HIP1: variants seen among roughly 807,000 people sequenced by gnomAD.
The protein encoded by HIP1 is huntingtin-interacting protein 1.
Under a neutral mutation model 147.6 loss-of-function variants are expected in HIP1, and 65 were observed. That is an observed-to-expected ratio of 0.44 (90% confidence interval 0.36 to 0.54). HIP1 has a LOEUF of 0.54. Among genes scored for constraint, HIP1 ranks in the 20% least tolerant of loss-of-function variants. The pLI is 0.00. For missense variants in HIP1, 1,061 were observed against 1,299.6 expected, an observed-to-expected ratio of 0.82 and a Z score of 2.82; for synonymous variants, 479 against 504.0, an observed-to-expected ratio of 0.95 and a Z score of 0.67.
At chr7:75,644,868 A>AC in intron 1 of HIP1, among the ~76,000 whole-genome samples, 1 of 152,208 alleles carries the variant, frequency 6.6e-6, no homozygotes, top group Admixed American at 6.5e-5. Context: ...TGGCTCTGGC[A>AC]CAGAGCATTC....
intron 1 of HIP1, among the ~76,000 whole-genome samples, chr7:75,618,882 G>C (rs1398341308): frequency 6.6e-6 from 1 of 151,666 alleles, no homozygotes; most frequent in African/African-American, 2.4e-5. Context: ...TTTTTGTAGA[G>C]ATGGGGTTTC....
intron 1 of HIP1, among the ~76,000 whole-genome samples, chr7:75,666,723 A>G (rs966498794): frequency 1.3e-5 from 2 of 152,252 alleles, no homozygotes; most frequent in Non-Finnish European, 2.9e-5. Context: ...GAAAGTACGG[A>G]TGTGTTTCAG....
At chr7:75,588,160 C>T (rs1796351662) in intron 4 of HIP1, among the ~76,000 whole-genome samples, 1 of 152,234 alleles carries the variant, frequency 6.6e-6, no homozygotes, top group South Asian at 2.1e-4. Flanking sequence ...CTCACAAAAC[C>T]TTAAGCTGAG....
At chr7:75,584,537 A>C (rs1180348846) in intron 5 of HIP1, among the ~76,000 whole-genome samples, 1 of 152,170 alleles carries the variant, frequency 6.6e-6, no homozygotes, top group Non-Finnish European at 1.5e-5. Context: ...AGCCAGCTGC[A>C]TCCTCTTCGA....
At chr7:75,666,131 AT>A (rs1167046356) in intron 1 of HIP1, among the ~76,000 whole-genome samples, 34 of 151,344 alleles carry the variant, frequency 2.2e-4, no homozygotes, top group South Asian at 4.2e-4. Context: ...TGTATGGTAG[AT>A]TTTTTTTTAA....
intron 1 of HIP1, among the ~76,000 whole-genome samples, chr7:75,693,239 A>G (rs1554518379): frequency 1.3e-5 from 2 of 151,646 alleles, no homozygotes; most frequent in Non-Finnish European, 2.9e-5. Flanking sequence ...CTATGCTTAC[A>G]TTTCCATTCT....
At chr7:75,683,271 G>A (rs914490760) in intron 1 of HIP1, among the ~76,000 whole-genome samples, 9 of 152,000 alleles carry the variant, frequency 5.9e-5, no homozygotes, top group Admixed American at 1.3e-4. Context: ...GTCAGCCACC[G>A]TGCCCGGCCT....
intron 1 of HIP1, among the ~76,000 whole-genome samples, chr7:75,719,933 C>T (rs4348432): frequency 0.095 from 14,481 of 152,052 alleles, 828 homozygotes; most frequent in Middle Eastern, 0.16. Context: ...TGGCATGGAC[C>T]CTAGGGGAGT....
intron 7 of HIP1, among the ~76,000 whole-genome samples, chr7:75,577,739 C>A (rs1432029149): frequency 2.6e-5 from 4 of 152,152 alleles, no homozygotes; most frequent in Non-Finnish European, 5.9e-5. Context: ...GTGGCTCATG[C>A]CTATAATCCA....
At chr7:75,585,539 CG>C (rs1188607957) in intron 5 of HIP1, among the ~76,000 whole-genome samples, 1 of 151,892 alleles carries the variant, frequency 6.6e-6, no homozygotes, top group Non-Finnish European at 1.5e-5. Context: ...TACCAGAGCC[CG>C]GTCCTCCCTC....
Position 75,534,996 on chromosome 7 carries a change from A to C in HIP1, c.*3176T>G, listed in dbSNP as rs1002000316. The C allele has an allele frequency of 9.6e-6, 2 of 207,602 alleles. No homozygotes were observed. Among genetic ancestry groups the C allele is most frequent in the African/African-American group, 2.3e-5 (1 of 43,916 alleles). 12.9% of individuals were successfully genotyped at this position (207,602 alleles called of 1,614,324 possible). On this transcript the variant is annotated 3_prime_UTR_variant, in exon 31 of 31. Coordinates refer to ENST00000336926, the MANE Select transcript of HIP1 (RefSeq NM_005338.7). ...TTTAATCCAAGGTGTGTCATTAAAT[A>C]GCTCTTCATCTTCATTTTTAGAAGA... is the stretch of plus-strand genomic sequence containing the variant.
intron 9 of HIP1, among the ~76,000 whole-genome samples, chr7:75,565,125 G>A (rs946252641): frequency 2.6e-5 from 4 of 152,060 alleles, no homozygotes; most frequent in African/African-American, 7.2e-5. Context: ...TCCAATAAAC[G>A]AAACCCCCAG....
In HIP1 at chr7:75,602,773, C is replaced by T. The variant is rs150931958; in HGVS notation, c.121-3526G>A. On this transcript the variant is annotated intron_variant, in intron 1 of 30. Coordinates refer to ENST00000336926, the MANE Select transcript of HIP1 (RefSeq NM_005338.7). The stretch of plus-strand genomic sequence containing the variant: ...TGTTGTAAGTTGAATTGTATACCCC[C>T]GCCCCACAAAAATATATAATCACGC... 3.3e-3 allele frequency among the ~76,000 whole-genome samples: 493 copies of T among 151,426 alleles called. 2 individuals carry two copies. Among genetic ancestry groups the T allele is most frequent in the Middle Eastern group, 0.01 (3 of 292 alleles).
Position 75,700,819 on chromosome 7 carries a change from C to A in HIP1, c.120+37982G>T, listed in dbSNP as rs190597143. The stretch of plus-strand genomic sequence containing the variant: ...CTCCCGGGTTCACGCCATTCTCCTG[C>A]CTCAGCCTCTTGAGTAGCTGGGACT... On this transcript the variant is annotated intron_variant, in intron 1 of 30. Transcript: ENST00000336926. Among the ~76,000 whole-genome samples the A allele has an allele frequency of 4.9e-4, 75 of 152,132 alleles. No individual in the cohort carries two copies. The East Asian group carries it at 0.014, about 28-fold the overall frequency.
chr7:75,562,902 A>T (rs1795278969), intron 11 of HIP1, 33 bp downstream of exon 11: 2 of 1,612,010 alleles, frequency 1.2e-6, no homozygotes, highest in African/African-American at 1.3e-5. Flanking sequence ...AGGTGAGAGG[A>T]AAGGCCAAGT....
chr7:75,729,163 G>GAAAA (rs532233329), intron 1 of HIP1, among the ~76,000 whole-genome samples: 4 of 138,444 alleles, frequency 2.9e-5, no homozygotes, highest in Non-Finnish European at 4.7e-5. Context: ...ACTAGAACAG[G>GAAAA]AAAAAAAAAA....
At chr7:75,634,194 A>G (rs1398734093) in intron 1 of HIP1, among the ~76,000 whole-genome samples, 1 of 152,008 alleles carries the variant, frequency 6.6e-6, no homozygotes, top group Non-Finnish European at 1.5e-5. Flanking sequence ...TAGGAGTTCG[A>G]GGCTGCAGTG....
chr7:75,711,949 C>G (rs1415876712), intron 1 of HIP1, among the ~76,000 whole-genome samples: 1 of 152,148 alleles, frequency 6.6e-6, no homozygotes, highest in Non-Finnish European at 1.5e-5. Flanking sequence ...GTGAGAAGCG[C>G]ACACTCATCT....
intron 1 of HIP1, among the ~76,000 whole-genome samples, chr7:75,600,316 G>A (rs13239721): frequency 0.16 from 23,670 of 152,050 alleles, 2,136 homozygotes; most frequent in Middle Eastern, 0.26. Flanking sequence ...TCGCCATGTT[G>A]GCCAGGCTGG....
Sources: allele counts gnomAD v4.1 joint callset (sites outside exome capture counted in the v4.1 genomes callset), GRCh38; gene constraint gnomAD v4.1.1; transcripts MANE v1.5; gene names NCBI Gene and HGNC (gene_info 2026-07-23, HGNC 2026-07-21).